The following PIK3C2G variants were observed in gnomAD, a reference collection of about 807,000 sequenced individuals.
PIK3C2G encodes the protein phosphatidylinositol-4-phosphate 3-kinase catalytic subunit type 2 gamma.
PIK3C2G carries 168 observed loss-of-function variants against 181.1 expected under a neutral mutation model. The ratio of observed to expected loss-of-function variants is 0.93; its 90% CI spans 0.82 to 1.05. PIK3C2G has a LOEUF of 1.05. Among genes scored for constraint, PIK3C2G ranks in the 50% least tolerant of loss-of-function variants. PIK3C2G has a pLI of 0.00. For synonymous variants in PIK3C2G, 573 were observed against 592.2 expected, an observed-to-expected ratio of 0.97 and a Z score of 0.47; for missense variants, 1,869 against 1,732.8, an observed-to-expected ratio of 1.08 and a Z score of -1.40.
At chr12:18,491,971 C>A (rs1161240318) in intron 20 of PIK3C2G, among the ~76,000 whole-genome samples, 5 of 152,132 alleles carry the variant, frequency 3.3e-5, no homozygotes, top group Admixed American at 6.5e-5. Context: ...TACAACATTT[C>A]TATTTTGATT....
chr12:18,661,065 A>G, the PIK3C2G span, among the ~76,000 whole-genome samples: 1 of 152,144 alleles, frequency 6.6e-6, no homozygotes, highest in Non-Finnish European at 1.5e-5. Context: ...CAGTTAGAAG[A>G]ATTGATGAAC....
intron 4 of PIK3C2G, among the ~76,000 whole-genome samples, chr12:18,292,227 A>AAAAATATATAT: frequency 3.5e-4 from 17 of 48,728 alleles, no homozygotes; most frequent in South Asian, 8.9e-4. Flanking sequence ...AAAAAAAAAA[A>AAAAATATATAT]ATATATATAT....
At chr12:18,539,500 C>A (rs776303529) in intron 25 of PIK3C2G, among the ~76,000 whole-genome samples, 1 of 151,692 alleles carries the variant, frequency 6.6e-6, no homozygotes, top group Admixed American at 6.6e-5. Context: ...CCTCTAGTCA[C>A]GTTTGTTTAT....
intron 22 of PIK3C2G, among the ~76,000 whole-genome samples, chr12:18,500,263 C>T (rs1006376493): frequency 6.6e-6 from 1 of 152,122 alleles, no homozygotes; most frequent in Non-Finnish European, 1.5e-5. Context: ...CCTGCCGGCC[C>T]GGGCAATGAG....
chr12:18,528,974 T>C (rs1943391822), intron 24 of PIK3C2G, among the ~76,000 whole-genome samples: 1 of 152,182 alleles, frequency 6.6e-6, no homozygotes, highest in South Asian at 2.1e-4. Flanking sequence ...ATTTCACAAA[T>C]GAAGAACTGA....
chr12:18,470,628 T>C (rs1938366749), intron 18 of PIK3C2G, among the ~76,000 whole-genome samples: 1 of 152,140 alleles, frequency 6.6e-6, no homozygotes, highest in African/African-American at 2.4e-5. Context: ...AGGAATACTC[T>C]TTGGAAACTA....
chr12:18,513,365 G>T lies in PIK3C2G; in HGVS notation c.3323+7904G>T, dbSNP rs1194956910. 7.0e-5 allele frequency among the ~76,000 whole-genome samples: 9 copies of T among 127,880 alleles called. No individual in the cohort carries two copies. In the Admixed American group the frequency reaches 8.0e-4, roughly 11 times the overall value. 83.9% of individuals were successfully genotyped at this position (127,880 alleles called of 152,430 possible). On this transcript the variant is annotated intron_variant, in intron 24 of 32. Transcript: ENST00000538779. ...TCATTTTTGTGGAAGAGTTTGAAAA[G>T]AATTGGTATTCTTTTTTTTTTATGT...
chr12:18,246,010 G>T (rs532114764), upstream of PIK3C2G, among the ~76,000 whole-genome samples: 1 of 152,168 alleles, frequency 6.6e-6, no homozygotes, highest in East Asian at 1.9e-4. Flanking sequence ...AAAATATATT[G>T]CCCTTTAAAA....
intron 29 of PIK3C2G, among the ~76,000 whole-genome samples, chr12:18,570,415 G>A (rs1945870091): frequency 6.7e-6 from 1 of 149,788 alleles, no homozygotes; most frequent in South Asian, 2.1e-4. Context: ...TGCCATGTTA[G>A]CCAGGCTGGT....
intron 24 of PIK3C2G, among the ~76,000 whole-genome samples, chr12:18,532,788 T>C (rs1274406831): frequency 6.6e-6 from 1 of 152,124 alleles, no homozygotes; most frequent in Non-Finnish European, 1.5e-5. Context: ...GTTGGCTGCC[T>C]ACCTTGCCCT....
chr12:18,634,861 A>AT (rs1317054948), intron 31 of PIK3C2G, among the ~76,000 whole-genome samples: 1 of 152,132 alleles, frequency 6.6e-6, no homozygotes, highest in Non-Finnish European at 1.5e-5. Context: ...GGATGTGAAT[A>AT]TCTTCACTTT....
chr12:18,630,098 A>G (rs893688607), intron 31 of PIK3C2G, among the ~76,000 whole-genome samples: 2 of 152,138 alleles, frequency 1.3e-5, no homozygotes, highest in Admixed American at 1.3e-4. Context: ...AAGGGAAGGC[A>G]TGACTATGAA....
chr12:18,451,195 T>G (rs1947331940), intron 18 of PIK3C2G, among the ~76,000 whole-genome samples: 1 of 152,238 alleles, frequency 6.6e-6, no homozygotes, highest in Admixed American at 6.5e-5. Flanking sequence ...ATATTGATTT[T>G]TCCTATCCAT....
chr12:18,437,796 TA>T (rs1946527787), intron 18 of PIK3C2G, among the ~76,000 whole-genome samples: 1 of 151,978 alleles, frequency 6.6e-6, no homozygotes. Flanking sequence ...ACAGTCTAGA[TA>T]ATCAATTACT....
chr12:18,694,760 A>T, the PIK3C2G span: 4 of 611,068 alleles, frequency 6.5e-6, no homozygotes, highest in East Asian at 1.2e-4. Context: ...ATATAGAAGG[A>T]TGCTGGAATA....
chr12:18,516,184 T>C (rs1437870244), intron 24 of PIK3C2G, among the ~76,000 whole-genome samples: 1 of 152,056 alleles, frequency 6.6e-6, no homozygotes, highest in East Asian at 1.9e-4. Context: ...CTTCAGTTTT[T>C]ATTTTTCTAG....
At position 18,503,315 on chromosome 12, in the gene PIK3C2G, A is replaced by C; in HGVS notation, c.3051A>C (p.Leu1017=). The change falls in exon 23 of 33, where the codon CTA becomes CTC. Residue 1017 remains leucine, a synonymous_variant. Coordinates refer to ENST00000538779, the MANE Select transcript of PIK3C2G (RefSeq NM_001288772.2). ...AGATGGTACCTGATGCTGTGACCCTAGCAAAGATTCATCGCCATTCTGGAC... is the reference window on the plus strand; with the variant it reads ...AGATGGTACCTGATGCTGTGACCCTCGCAAAGATTCATCGCCATTCTGGAC... ...LVQMVPDAVT[L]AKIHRHSGLI... is the part of the protein sequence containing the mutation. The C allele has an allele frequency of 6.2e-7, 1 of 1,612,050 alleles. No homozygotes were observed. The highest frequency in any genetic ancestry group is 1.3e-5 in the African/African-American group (1 of 74,964).
chr12:18,653,024 CCCTA>C (rs1255704576), downstream of PIK3C2G, among the ~76,000 whole-genome samples: 1 of 152,000 alleles, frequency 6.6e-6, no homozygotes, highest in African/African-American at 2.4e-5. Context: ...CCCCTCAAAC[CCCTA>C]CCTATCACTC....
At chr12:18,669,149 T>G in the PIK3C2G span, among the ~76,000 whole-genome samples, 3 of 152,182 alleles carry the variant, frequency 2.0e-5, no homozygotes, top group Admixed American at 1.3e-4. Flanking sequence ...ATTATTTTCT[T>G]GATTCCTCTG....
Sources: gnomAD v4.1 joint callset for allele counts (sites outside exome capture counted in the v4.1 genomes callset) on GRCh38, gnomAD v4.1.1 for gene constraint, MANE v1.5 for transcripts, NCBI Gene and HGNC (gene_info 2026-07-23, HGNC 2026-07-21) for gene names.